The following ATP8B4 variants were observed in gnomAD, a reference collection of about 807,000 sequenced individuals.
ATP8B4 encodes ATPase phospholipid transporting 8B4 (putative).
A neutral mutation model predicts 145.6 loss-of-function variants in ATP8B4; 133 were observed. That is an observed-to-expected ratio of 0.91 (90% CI 0.79 to 1.05). The LOEUF (loss-of-function observed/expected upper bound fraction) is 1.05, where lower values mean the gene tolerates loss of function less well. Ranked by LOEUF, ATP8B4 falls within the 50% of genes least tolerant of loss-of-function variation. The probability of loss-of-function intolerance (pLI) is 0.00; values close to 1 mark genes in which losing one functional copy is unlikely to be tolerated. For missense variants in ATP8B4, 1,458 were observed against 1,425.2 expected (o/e 1.02, Z -0.37); for synonymous variants, 507 against 492.9 (o/e 1.03, Z -0.38).
chr15:50,144,132 G>A (rs1443723825), intron 1 of ATP8B4, among the ~76,000 whole-genome samples: 1 of 152,156 alleles, frequency 6.6e-6, no homozygotes, highest in East Asian at 1.9e-4. Flanking sequence ...GGCAATCCTG[G>A]CCACAATGTG....
At chr15:49,885,909 C>T (rs900705695) in intron 23 of ATP8B4, 3 of 152,206 alleles carry the variant, frequency 2.0e-5, no homozygotes, top group South Asian at 2.1e-4. Flanking sequence ...TTCTCATCTG[C>T]TTCAATATGT....
intron 20 of ATP8B4, among the ~76,000 whole-genome samples, chr15:49,904,096 G>A (rs1244492137): frequency 6.6e-6 from 1 of 152,112 alleles, no homozygotes; most frequent in East Asian, 1.9e-4. Context: ...GCCAGCGACA[G>A]ATCCATGGCT....
chr15:50,111,983 A>G (rs79545647), intron 1 of ATP8B4, among the ~76,000 whole-genome samples: 1,699 of 152,234 alleles, frequency 0.011, 35 homozygotes, highest in African/African-American at 0.039. Flanking sequence ...GCCTGAGCAA[A>G]TTGTGAGACC....
intron 1 of ATP8B4, among the ~76,000 whole-genome samples, chr15:50,135,966 G>C (rs751418410): frequency 2.6e-5 from 4 of 152,198 alleles, no homozygotes; most frequent in African/African-American, 4.8e-5. Flanking sequence ...GAAAGGTGAA[G>C]CTGTTTTATT....
chr15:50,062,844 A>C (rs2053122726), intron 3 of ATP8B4, among the ~76,000 whole-genome samples: 1 of 152,192 alleles, frequency 6.6e-6, no homozygotes, highest in Non-Finnish European at 1.5e-5. Flanking sequence ...TCTGCAAAGC[A>C]TTGCAAAGAA....
chr15:50,181,756 C>T (rs2044850141), intron 1 of ATP8B4, among the ~76,000 whole-genome samples: 1 of 152,146 alleles, frequency 6.6e-6, no homozygotes, highest in Non-Finnish European at 1.5e-5. Flanking sequence ...CAAAGAGAGA[C>T]CAGGCGGAAA....
At chr15:49,932,038 A>T (rs2041307460) in intron 15 of ATP8B4, among the ~76,000 whole-genome samples, 1 of 151,508 alleles carries the variant, frequency 6.6e-6, no homozygotes, top group Non-Finnish European at 1.5e-5. Flanking sequence ...GTAAGCCCTT[A>T]TATAAAATTA....
chr15:49,885,041 C>T (rs1483143058), intron 23 of ATP8B4, among the ~76,000 whole-genome samples: 4 of 152,194 alleles, frequency 2.6e-5, no homozygotes, highest in Non-Finnish European at 1.5e-5. Flanking sequence ...GGTTAAAACC[C>T]TCTAATGGTT....
At chr15:50,151,334 TA>T (rs1432889464) in intron 1 of ATP8B4, among the ~76,000 whole-genome samples, 2 of 152,194 alleles carry the variant, frequency 1.3e-5, no homozygotes, top group East Asian at 3.8e-4. Context: ...AAAATTTCTT[TA>T]GGCTAGGAAG....
chr15:49,887,012 G>A lies in ATP8B4; in HGVS notation c.2698-7553C>T, dbSNP rs2413973. ...TTTAGTATAGACGGGGTTTTGCCAC[G>A]TTGGCCAGGCTGGTCTTGAACTCCT... On this transcript the variant is annotated intron_variant, in intron 23 of 27. Coordinates refer to ENST00000284509, the MANE Select transcript of ATP8B4 (RefSeq NM_024837.4). 3.4e-3 allele frequency among the ~76,000 whole-genome samples: 518 copies of A among 152,040 alleles called. 8 individuals are homozygous for A. The East Asian group carries it at 0.035, about 10-fold the overall frequency.
chr15:49,951,669 A>T (rs1272610202), intron 14 of ATP8B4, among the ~76,000 whole-genome samples: 1 of 152,034 alleles, frequency 6.6e-6, no homozygotes, highest in Non-Finnish European at 1.5e-5. Flanking sequence ...GTGCCTTTTC[A>T]TTGGGGCATT....
intron 5 of ATP8B4, 62 bp from the exon 6 acceptor site, chr15:50,038,891 C>A: frequency 7.2e-7 from 1 of 1,387,890 alleles, no homozygotes; most frequent in South Asian, 1.2e-5. Flanking sequence ...CCCAAATAAG[C>A]ACACTGGCAA....
intron 23 of ATP8B4, chr15:49,880,505 G>C (rs1045202285): frequency 6.6e-6 from 1 of 152,154 alleles, no homozygotes; most frequent in Non-Finnish European, 1.5e-5. Context: ...ACTAAACATG[G>C]CTTATTACCT....
At chr15:50,167,049 G>A (rs906781239) in intron 1 of ATP8B4, among the ~76,000 whole-genome samples, 4 of 152,172 alleles carry the variant, frequency 2.6e-5, no homozygotes, top group African/African-American at 9.7e-5. Context: ...CCAATTACAT[G>A]AGGATTCTCA....
intron 2 of ATP8B4, among the ~76,000 whole-genome samples, chr15:50,094,909 A>T (rs1175730224): frequency 6.6e-6 from 1 of 152,044 alleles, no homozygotes; most frequent in African/African-American, 2.4e-5. Context: ...TACAATCTTA[A>T]TGGAAGCCAA....
At chr15:50,063,396 G>T (rs192146167) in intron 3 of ATP8B4, among the ~76,000 whole-genome samples, 40 of 151,868 alleles carry the variant, frequency 2.6e-4, no homozygotes, top group African/African-American at 9.6e-4. Context: ...CACCCCTAAA[G>T]CTTCTGATTT....
chr15:50,035,159 A>C (rs2050743382), intron 6 of ATP8B4, among the ~76,000 whole-genome samples: 1 of 152,214 alleles, frequency 6.6e-6, no homozygotes, highest in Non-Finnish European at 1.5e-5. Context: ...AAAACAAAAA[A>C]AAAAGTGAAA....
chr15:50,144,223 T>C (rs1316829460), intron 1 of ATP8B4, among the ~76,000 whole-genome samples: 1 of 152,120 alleles, frequency 6.6e-6, no homozygotes, highest in African/African-American at 2.4e-5. Flanking sequence ...ATGAAAAGCC[T>C]AAAGTATGAT....
chr15:50,175,095 G>A (rs544057572), intron 1 of ATP8B4, among the ~76,000 whole-genome samples: 3 of 152,302 alleles, frequency 2.0e-5, no homozygotes, highest in African/African-American at 7.2e-5. Flanking sequence ...CTAGCCACAT[G>A]TAGAAGAATG....
Sources: gnomAD v4.1 joint callset for allele counts (sites outside exome capture counted in the v4.1 genomes callset) on GRCh38, gnomAD v4.1.1 for gene constraint, MANE v1.5 for transcripts, NCBI Gene and HGNC (gene_info 2026-07-23, HGNC 2026-07-21) for gene names.